The following ZNF804B variants were observed in gnomAD, a reference collection of about 807,000 sequenced individuals.
The protein encoded by ZNF804B is zinc finger protein 804B.
In ZNF804B, 80 loss-of-function variants were observed where a neutral mutation model predicts 101.4. The ratio of observed to expected loss-of-function variants is 0.79; its 90% CI spans 0.66 to 0.95. ZNF804B has a LOEUF of 0.95. Among genes scored for constraint, ZNF804B ranks in the 40% least tolerant of loss-of-function variants. The pLI is 0.00. For synonymous variants in ZNF804B, 622 were observed against 558.8 expected (o/e 1.11, Z -1.59); for missense variants, 1,673 against 1,561.9 (o/e 1.07, Z -1.20).
intron 1 of ZNF804B, among the ~76,000 whole-genome samples, chr7:88,768,498 G>A (rs1790016812): frequency 6.6e-6 from 1 of 152,144 alleles, no homozygotes; most frequent in Non-Finnish European, 1.5e-5. Flanking sequence ...TGGGCAGATT[G>A]CCTGGGCTCA....
intron 1 of ZNF804B, among the ~76,000 whole-genome samples, chr7:88,981,992 T>TAAGCTCCTTTATAA (rs1793699931): frequency 6.6e-6 from 1 of 152,064 alleles, no homozygotes; most frequent in Non-Finnish European, 1.5e-5. Context: ...AGCTTTCTTA[T>TAAGCTCCTTTATAA]GTGGATAGTT....
intron 1 of ZNF804B, among the ~76,000 whole-genome samples, chr7:88,953,012 T>G (rs10250965): frequency 0.75 from 113,726 of 151,578 alleles, 42,851 homozygotes; most frequent in South Asian, 0.84. Flanking sequence ...GGTATAGGAA[T>G]TCGAAGTGTT....
At chr7:89,117,166 A>G (rs1790323946) in intron 1 of ZNF804B, among the ~76,000 whole-genome samples, 1 of 152,182 alleles carries the variant, frequency 6.6e-6, no homozygotes, top group Non-Finnish European at 1.5e-5. Context: ...TTCTAAAAGG[A>G]GTGTGGTCCC....
intron 2 of ZNF804B, among the ~76,000 whole-genome samples, chr7:89,306,783 C>A (rs927251190): frequency 3.3e-5 from 5 of 151,928 alleles, no homozygotes; most frequent in Non-Finnish European, 5.9e-5. Flanking sequence ...CCAAAAGAAG[C>A]AATCACAGGC....
intron 3 of ZNF804B, among the ~76,000 whole-genome samples, chr7:89,329,392 G>A (rs1472998441): frequency 2.0e-5 from 3 of 151,714 alleles, no homozygotes; most frequent in Non-Finnish European, 4.4e-5. Flanking sequence ...TAGGTGAATT[G>A]ACAAGTGAAA....
chr7:89,258,391 A>G (rs1789666255), intron 2 of ZNF804B, among the ~76,000 whole-genome samples: 1 of 152,160 alleles, frequency 6.6e-6, no homozygotes, highest in South Asian at 2.1e-4. Flanking sequence ...TGAAAATTTA[A>G]CTGTGTCAGT....
At chr7:89,279,425 G>A (rs888675041) in intron 2 of ZNF804B, among the ~76,000 whole-genome samples, 1 of 150,538 alleles carries the variant, frequency 6.6e-6, no homozygotes, top group Non-Finnish European at 1.5e-5. Context: ...TCCCTGTCTT[G>A]TGCCAGTTTT....
chr7:88,877,788 A>T (rs984976859), intron 1 of ZNF804B, among the ~76,000 whole-genome samples: 35 of 152,110 alleles, frequency 2.3e-4, no homozygotes, highest in African/African-American at 8.4e-4. Context: ...CATAAAATAT[A>T]TTATCTTTTA....
chr7:89,245,348 C>G (rs763070177), intron 2 of ZNF804B, among the ~76,000 whole-genome samples: 2 of 152,008 alleles, frequency 1.3e-5, no homozygotes, highest in African/African-American at 2.4e-5. Flanking sequence ...AGAAATTTCA[C>G]AGAATTTCTC....
intron 2 of ZNF804B, among the ~76,000 whole-genome samples, chr7:89,300,441 C>T (rs929892499): frequency 5.9e-5 from 9 of 151,496 alleles, no homozygotes; most frequent in South Asian, 2.1e-4. Flanking sequence ...TGATGTACTA[C>T]TGAGTAGAGG....
At chr7:89,299,693 C>T (rs907312388) in intron 2 of ZNF804B, among the ~76,000 whole-genome samples, 1 of 152,022 alleles carries the variant, frequency 6.6e-6, no homozygotes, top group Non-Finnish European at 1.5e-5. Context: ...TGACTCACTG[C>T]TCTAAAATTC....
intron 1 of ZNF804B, among the ~76,000 whole-genome samples, chr7:89,065,128 C>G (rs1177693459): frequency 1.3e-5 from 2 of 152,116 alleles, no homozygotes; most frequent in Admixed American, 6.5e-5. Context: ...GAGAAAGAAC[C>G]CTCCGATAGG....
At position 89,336,902 on chromosome 7, in the gene ZNF804B, T is replaced by C; in HGVS notation, c.3920T>C (p.Ile1307Thr). Residue 1307 changes from isoleucine (I) to threonine (T), a missense_variant, in exon 4 of 4, where the codon ATC (isoleucine) becomes ACC (threonine). Coordinates refer to ENST00000333190, the MANE Select transcript of ZNF804B (RefSeq NM_181646.5). The part of the protein sequence containing the change: ...GPHLNPATTS[I>T]IHLNPLIQPV... ...CACTTAAATCCAGCCACAACTTCTATCATCCACTTGAATCCTTTAATCCAA... is the reference window on the plus strand; with the variant it reads ...CACTTAAATCCAGCCACAACTTCTACCATCCACTTGAATCCTTTAATCCAA... 3 of 1,614,134 alleles carry C rather than the reference T, an allele frequency of 1.9e-6. No individual in the cohort carries two copies. The highest frequency in any genetic ancestry group is 2.5e-6 in the Non-Finnish European group (3 of 1,180,006).
At chr7:88,996,816 A>G (rs1277224424) in intron 1 of ZNF804B, among the ~76,000 whole-genome samples, 1 of 152,078 alleles carries the variant, frequency 6.6e-6, no homozygotes, top group Non-Finnish European at 1.5e-5. Context: ...AACAAACTTG[A>G]CCTAGTGAGG....
At chr7:89,214,372 G>T (rs1175172928) in intron 1 of ZNF804B, among the ~76,000 whole-genome samples, 2 of 152,020 alleles carry the variant, frequency 1.3e-5, no homozygotes, top group South Asian at 2.1e-4. Flanking sequence ...GCAAATGAAT[G>T]AATTCATTAT....
intron 1 of ZNF804B, among the ~76,000 whole-genome samples, chr7:88,913,763 G>A (rs960183746): frequency 7.9e-5 from 12 of 152,192 alleles, no homozygotes; most frequent in African/African-American, 2.7e-4. Flanking sequence ...CATGACACAA[G>A]TGTATATGCG....
chr7:88,781,000 T>A (rs927440181), intron 1 of ZNF804B, among the ~76,000 whole-genome samples: 7 of 152,202 alleles, frequency 4.6e-5, no homozygotes, highest in African/African-American at 1.7e-4. Flanking sequence ...TATTATTATC[T>A]CATTCTTTTA....
In ZNF804B at chr7:88,795,483, T is replaced by C. The variant is rs373620982; in HGVS notation, c.108+35399T>C. Among the ~76,000 whole-genome samples, 45 of 152,274 alleles carry C rather than the reference T, an allele frequency of 3.0e-4. 1 individual carries two copies. The East Asian group carries it at 7.7e-3, about 26-fold the overall frequency. ...AGGGAAAAGTTTTGGTTCTTTGTTT[T>C]TTCTCCTATCGACGAATCTCAGAAA... On this transcript the variant is annotated intron_variant, in intron 1 of 3. Transcript: ENST00000333190.
At chr7:88,903,507 GA>G (rs1451529906) in intron 1 of ZNF804B, among the ~76,000 whole-genome samples, 1 of 152,000 alleles carries the variant, frequency 6.6e-6, no homozygotes, top group Non-Finnish European at 1.5e-5. Flanking sequence ...AGTTCTGTTG[GA>G]AGTTATTTGA....
Sources: allele counts gnomAD v4.1 joint callset (sites outside exome capture counted in the v4.1 genomes callset), GRCh38; gene constraint gnomAD v4.1.1; transcripts MANE v1.5; gene names NCBI Gene and HGNC (gene_info 2026-07-23, HGNC 2026-07-21).